The following SPAG9 variants were observed in gnomAD, a reference collection of about 807,000 sequenced individuals.
The protein encoded by SPAG9 is sperm associated antigen 9.
SPAG9 carries 35 observed loss-of-function variants against 166.5 expected under a neutral mutation model. That is an observed-to-expected ratio of 0.21 (90% CI 0.16 to 0.28). SPAG9 has a LOEUF of 0.28. Among genes scored for constraint, SPAG9 ranks in the 10% least tolerant of loss-of-function variants. SPAG9 has a pLI of 1.00. For synonymous variants in SPAG9, 534 were observed against 565.5 expected (o/e 0.94, Z 0.79); for missense variants, 1,235 against 1,603.3 (o/e 0.77, Z 3.92).
intron 1 of SPAG9, among the ~76,000 whole-genome samples, chr17:51,095,849 T>C (rs962268441): frequency 1.5e-4 from 22 of 145,320 alleles, no homozygotes; most frequent in Admixed American, 1.2e-3. Flanking sequence ...TATAGTGATA[T>C]ATATAGTGAT....
chr17:51,005,958 C>T (rs777756340), intron 11 of SPAG9, 127 bp downstream of exon 11: 44 of 1,044,600 alleles, frequency 4.2e-5, no homozygotes, highest in Non-Finnish European at 6.1e-5. Context: ...ACTTTGCCCT[C>T]TCCCAGGCAG....
In SPAG9 at chr17:50,963,617, CAT is replaced by C. The variant is rs1597859132; in HGVS notation, c.*2653_*2654del. On this transcript the variant is annotated 3_prime_UTR_variant, in exon 30 of 30. Transcript: ENST00000262013. ...AAAAAAAGCAATTACAACCATTTGA[CAT>C]GTTTGTATTTTTCATCTCTAACTCC... is the stretch of plus-strand genomic sequence containing the variant. The C allele has an allele frequency of 1.3e-5, 2 of 152,156 alleles. No homozygotes were observed. The highest frequency in any genetic ancestry group is 4.8e-5 in the African/African-American group (2 of 41,422). 9.4% of individuals were successfully genotyped at this position (152,156 alleles called of 1,614,324 possible).
chr17:51,022,973 T>TAATAATAAA (rs972193435), intron 6 of SPAG9, among the ~76,000 whole-genome samples: 28 of 148,434 alleles, frequency 1.9e-4, no homozygotes, highest in South Asian at 6.3e-4. Flanking sequence ...ATAATAATAA[T>TAATAATAAA]AAATCAGGGT....
intron 1 of SPAG9, among the ~76,000 whole-genome samples, chr17:51,116,949 A>G (rs967373437): frequency 6.6e-6 from 1 of 152,180 alleles, no homozygotes; most frequent in Non-Finnish European, 1.5e-5. Flanking sequence ...AAGGCATCAG[A>G]CGGGTCTTGG....
chr17:51,041,544 T>A lies in SPAG9; in HGVS notation c.698A>T (p.Lys233Ile), dbSNP rs752416139. 6.2e-7 allele frequency: 1 copy of A among 1,613,968 alleles called. No homozygotes were observed. The highest frequency in any genetic ancestry group is 1.1e-5 in the South Asian group (1 of 91,066). ...ACGTGGTTGACTTAATTCCTGAAAT[T>A]TCCATTGCTCAGATCCAGGGGTCTC... ...GGETPGSEQW[K>I]FQELSQPRSH... The change falls in exon 5 of 30, where the codon AAA becomes ATA. Residue 233 changes from lysine to isoleucine, a missense_variant. This residue lies in a region of SPAG9 where 288 missense variants were observed against 323.7 expected (regional missense o/e 0.89). Transcript: ENST00000262013.
At chr17:51,015,375 A>T (rs1190540094) in intron 8 of SPAG9, among the ~76,000 whole-genome samples, 1 of 152,160 alleles carries the variant, frequency 6.6e-6, no homozygotes. Context: ...ACCTAGACAC[A>T]ATCCTCCAGA....
intron 29 of SPAG9, among the ~76,000 whole-genome samples, chr17:50,968,214 G>T (rs1973506080): frequency 6.6e-6 from 1 of 152,154 alleles, no homozygotes; most frequent in Non-Finnish European, 1.5e-5. Flanking sequence ...CCTCTTAAAA[G>T]TGTCAACAAA....
intron 29 of SPAG9, among the ~76,000 whole-genome samples, chr17:50,968,436 T>A (rs578189860): frequency 6.6e-6 from 1 of 152,308 alleles, no homozygotes; most frequent in East Asian, 1.9e-4. Context: ...GATCAGTTTA[T>A]TTATAGCAAA....
chr17:50,980,178 T>C (rs772842793), intron 25 of SPAG9, among the ~76,000 whole-genome samples: 20 of 152,068 alleles, frequency 1.3e-4, no homozygotes, highest in Non-Finnish European at 2.8e-4. Context: ...TATGTAACAG[T>C]GCTCAACAGA....
chr17:51,049,713 C>CT (rs1275710704), intron 3 of SPAG9, among the ~76,000 whole-genome samples: 2 of 152,074 alleles, frequency 1.3e-5, no homozygotes, highest in African/African-American at 4.8e-5. Context: ...TCAAGCGATT[C>CT]TGCCTCCCAA....
At position 51,120,683 on chromosome 17, in the gene SPAG9, C is replaced by T. The variant is rs112014106; in HGVS notation, c.-27G>A. The T allele has an allele frequency of 6.5e-7, 1 of 1,540,164 alleles. No individual in the cohort carries two copies. Among genetic ancestry groups the T allele is most frequent in the Non-Finnish European group, 8.7e-7 (1 of 1,144,558 alleles). Reference sequence around the variant, plus strand: ...GTGGCAAGCGGACGGGCGGGCGGCCCGGGGCGTCGCCGGCAGAGGGGCGGC... The same window carrying T: ...GTGGCAAGCGGACGGGCGGGCGGCCTGGGGCGTCGCCGGCAGAGGGGCGGC... On this transcript the variant is annotated 5_prime_UTR_variant, in exon 1 of 30. Coordinates refer to ENST00000262013, the MANE Select transcript of SPAG9 (RefSeq NM_001130528.3). The surrounding 1 kb of genome is among the most constrained non-coding windows in gnomAD (Gnocchi z 4.7).
In SPAG9 at chr17:50,979,805, G is replaced by A. The variant is rs1974461654; in HGVS notation, c.3350C>T (p.Ala1117Val). The change falls in exon 26 of 30, where the codon GCA becomes GTA. Residue 1117 changes from alanine (A) to valine (V), a missense_variant. Transcript: ENST00000262013. ...ATCCTGTAGATGTTGATAAGTGTGT[G>A]CATGATAGAGACGGAGCGTAGAATC... ...RLDSTLRLYHAHTYQHLQDVD... is the reference protein window; with the variant it reads ...RLDSTLRLYHVHTYQHLQDVD... 1 of 1,614,176 alleles carries A rather than the reference G, an allele frequency of 6.2e-7. No homozygotes were observed. The highest frequency in any genetic ancestry group is 8.5e-7 in the Non-Finnish European group (1 of 1,179,996).
At chr17:51,016,874 C>A (rs1188351011) in intron 8 of SPAG9, among the ~76,000 whole-genome samples, 1 of 152,106 alleles carries the variant, frequency 6.6e-6, no homozygotes. Flanking sequence ...GCACTCCAGC[C>A]TGGGCGACAA....
chr17:51,096,393 C>T (rs2048649187), intron 1 of SPAG9, among the ~76,000 whole-genome samples: 1 of 151,854 alleles, frequency 6.6e-6, no homozygotes. Flanking sequence ...TGGTTTCAAC[C>T]ACATCAGACA....
At chr17:50,970,138 T>TC (rs1386452691) in intron 29 of SPAG9, among the ~76,000 whole-genome samples, 4 of 152,164 alleles carry the variant, frequency 2.6e-5, no homozygotes, top group African/African-American at 9.7e-5. Context: ...TGACCCTAAA[T>TC]CCTATGCTTT....
chr17:51,057,454 C>G (rs887394410), intron 2 of SPAG9, among the ~76,000 whole-genome samples: 4 of 152,298 alleles, frequency 2.6e-5, no homozygotes, highest in African/African-American at 7.2e-5. Flanking sequence ...TAATCTACAA[C>G]TGGTGACTGT....
chr17:50,969,734 G>A (rs141201938), intron 29 of SPAG9, among the ~76,000 whole-genome samples: 96 of 151,862 alleles, frequency 6.3e-4, no homozygotes, highest in African/African-American at 1.3e-3. Flanking sequence ...CTCTTACCTC[G>A]GAGTGCCAAC....
chr17:51,111,976 G>C (rs540632761), intron 1 of SPAG9, among the ~76,000 whole-genome samples: 90 of 152,084 alleles, frequency 5.9e-4, no homozygotes, highest in African/African-American at 1.5e-3. Context: ...ATCTCATTTA[G>C]ATATTCACAT....
At chr17:50,994,425 C>A (rs963478118) in intron 18 of SPAG9, among the ~76,000 whole-genome samples, 1 of 152,118 alleles carries the variant, frequency 6.6e-6, no homozygotes, top group East Asian at 1.9e-4. Context: ...TAGACTAATA[C>A]AACCACCTAT....
Sources: gnomAD v4.1 joint callset for allele counts (sites outside exome capture counted in the v4.1 genomes callset) on GRCh38, gnomAD v4.1.1 for gene constraint, gnomAD v4.1.1 regional missense constraint, Gnocchi (gnomAD v3.1) non-coding constraint, MANE v1.5 for transcripts, NCBI Gene and HGNC (gene_info 2026-07-23, HGNC 2026-07-21) for gene names.